Variants in GLT1D1 observed in about 807,000 individuals in gnomAD.
GLT1D1 encodes the protein glycosyltransferase 1 domain containing 1.
In GLT1D1, 21 loss-of-function variants were observed where a neutral mutation model predicts 28.7. The observed-to-expected ratio is 0.73, with a 90% confidence interval of 0.52 to 1.05. GLT1D1 has a LOEUF of 1.05. GLT1D1 is among the 50% of genes least tolerant of loss of function. The probability of loss-of-function intolerance (pLI) is 0.00; values close to 1 mark genes in which losing one functional copy is unlikely to be tolerated. For synonymous variants in GLT1D1, 147 were observed against 124.8 expected (o/e 1.18, Z -1.19); for missense variants, 343 against 330.6 (o/e 1.04, Z -0.29).
Position 128,875,935 on chromosome 12 carries a change from G to T in GLT1D1, c.90G>T (p.Gly30=), listed in dbSNP as rs745503932. The change falls in exon 2 of 8, where the codon GGG becomes GGT. Residue 30 remains glycine, a synonymous_variant. Transcript: ENST00000281703. ...AAAGGGCCCATCTAGAGGCTGCAGG[G>T]CACGTGTGCGTTTTGAAGGATGCCT... is the stretch of plus-strand genomic sequence containing the variant. 1 of 1,613,998 alleles carries T rather than the reference G, an allele frequency of 6.2e-7. No individual in the cohort carries two copies. Among genetic ancestry groups the T allele is most frequent in the East Asian group, 2.2e-5 (1 of 44,878 alleles).
chr12:128,957,498 C>G (rs1328421350), intron 6 of GLT1D1, 47 bp from the exon 11 acceptor site: 2 of 1,308,378 alleles, frequency 1.5e-6, no homozygotes, highest in African/African-American at 2.9e-5. Flanking sequence ...GCCGCAGAGG[C>G]TCTTGAAATG....
chr12:128,924,469 T>G (rs1872984595), intron 4 of GLT1D1, among the ~76,000 whole-genome samples: 2 of 151,970 alleles, frequency 1.3e-5, no homozygotes, highest in South Asian at 4.1e-4. Context: ...TTTTATTTAT[T>G]TATTTATTTT....
At chr12:128,933,686 A>G (rs1395975610) in intron 4 of GLT1D1, among the ~76,000 whole-genome samples, 1 of 152,142 alleles carries the variant, frequency 6.6e-6, no homozygotes, top group African/African-American at 2.4e-5. Context: ...TCTGGCTCAG[A>G]TGCCACCCTC....
At chr12:128,959,497 T>TGGGGGGGGGGGG in intron 7 of GLT1D1, among the ~76,000 whole-genome samples, 1 of 37,248 alleles carries the variant, frequency 2.7e-5, no homozygotes, top group Non-Finnish European at 5.4e-5. Context: ...TGGCAGGGGG[T>TGGGGGGGGGGGG]GGGGGTGGAG....
At chr12:128,860,369 G>A (rs1181818053) in intron 1 of GLT1D1, among the ~76,000 whole-genome samples, 1 of 152,220 alleles carries the variant, frequency 6.6e-6, no homozygotes, top group Non-Finnish European at 1.5e-5. Flanking sequence ...GCTGAGGCAG[G>A]AGAATCGCTT....
chr12:128,867,303 A>C (rs993930758), intron 1 of GLT1D1, among the ~76,000 whole-genome samples: 11 of 149,294 alleles, frequency 7.4e-5, no homozygotes, highest in African/African-American at 2.7e-4. Flanking sequence ...AGGCTGACAC[A>C]GGAGAAATGC....
At chr12:128,865,468 G>A (rs1007876001) in intron 1 of GLT1D1, among the ~76,000 whole-genome samples, 6 of 152,016 alleles carry the variant, frequency 3.9e-5, no homozygotes, top group Non-Finnish European at 5.9e-5. Flanking sequence ...CGTATCTGTG[G>A]GTTCCATGTC....
intron 2 of GLT1D1, among the ~76,000 whole-genome samples, chr12:128,882,253 A>C (rs1423813787): frequency 1.3e-5 from 2 of 151,466 alleles, no homozygotes; most frequent in African/African-American, 4.9e-5. Flanking sequence ...CACATTACGG[A>C]TATATTGCAG....
At chr12:128,969,505 GGTGTGCACCGAGCTGA>G (rs1878821365) in intron 7 of GLT1D1, among the ~76,000 whole-genome samples, 1 of 152,176 alleles carries the variant, frequency 6.6e-6, no homozygotes, top group African/African-American at 2.4e-5. Flanking sequence ...CCCCGAGCTG[GGTGTGCACCGAGCTGA>G]GTGTGCACTG....
At chr12:128,977,577 G>A (rs923333218) in intron 7 of GLT1D1, among the ~76,000 whole-genome samples, 4 of 152,132 alleles carry the variant, frequency 2.6e-5, no homozygotes, top group African/African-American at 7.2e-5. Context: ...GCATAGGCCT[G>A]TATTTACCAT....
At chr12:128,884,937 A>G (rs1182742406) in intron 2 of GLT1D1, among the ~76,000 whole-genome samples, 1 of 138,710 alleles carries the variant, frequency 7.2e-6, no homozygotes, top group Non-Finnish European at 1.6e-5. Context: ...TTTTTTTTTT[A>G]AGAAATGGGA....
rs188428083 is a variant in GLT1D1, at chr12:128,974,136, G to A, written c.640-8793G>A. Among the ~76,000 whole-genome samples the A allele has an allele frequency of 1.8e-4, 27 of 152,240 alleles. No homozygotes were observed. In the East Asian group the frequency reaches 5.2e-3, roughly 29 times the overall value. On this transcript the variant is annotated intron_variant, in intron 7 of 7. Coordinates refer to ENST00000281703, the MANE Select transcript of GLT1D1 (RefSeq NM_144669.3). ...GAGGGGGAGAGGGCGCATAGGAATA[G>A]TCCAAATTCCTAGTTCCTTTTCTGC...
At position 128,926,455 on chromosome 12, in the gene GLT1D1, G is replaced by A; in HGVS notation, c.376-18871G>A. The A allele has an allele frequency of 2.7e-6, 4 of 1,488,942 alleles. No homozygotes were observed. Among genetic ancestry groups the A allele is most frequent in the Non-Finnish European group, 3.6e-6 (4 of 1,104,886 alleles). 92.2% of individuals were successfully genotyped at this position (1,488,942 alleles called of 1,614,324 possible). A position where few individuals can be genotyped will look rare whatever the true frequency, so the allele number is the denominator to read the frequency against. ...CTCTATCTGGTGGACGCATTTTCAG[G>A]TGTGTTTGCTGGCTACCTTCCTCCA... On this transcript the variant is annotated intron_variant, in intron 4 of 7. Transcript: ENST00000281703.
At chr12:128,921,125 T>C (rs1872622023) in intron 4 of GLT1D1, among the ~76,000 whole-genome samples, 1 of 152,150 alleles carries the variant, frequency 6.6e-6, no homozygotes, top group East Asian at 1.9e-4. Context: ...TTATTTTTGG[T>C]GAATGATATT....
chr12:128,913,689 A>G (rs1411596547), intron 4 of GLT1D1, among the ~76,000 whole-genome samples: 1 of 152,236 alleles, frequency 6.6e-6, no homozygotes, highest in Non-Finnish European at 1.5e-5. Context: ...GGCGCACCTT[A>G]GTGAGGCACG....
chr12:128,926,995 G>A (rs992674819), intron 4 of GLT1D1, 110 bp from the exon 8 acceptor site: 1 of 645,404 alleles, frequency 1.5e-6, no homozygotes, highest in African/African-American at 1.8e-5. Flanking sequence ...AAAGCCAAAT[G>A]ATATGAAATA....
At chr12:128,869,563 G>A (rs1593056742) in intron 1 of GLT1D1, among the ~76,000 whole-genome samples, 3 of 151,982 alleles carry the variant, frequency 2.0e-5, no homozygotes, top group South Asian at 2.1e-4. Context: ...ATAAATATGT[G>A]TATACATATA....
intron 1 of GLT1D1, among the ~76,000 whole-genome samples, chr12:128,857,874 A>G (rs929443801): frequency 6.6e-6 from 1 of 152,214 alleles, no homozygotes; most frequent in African/African-American, 2.4e-5. Flanking sequence ...TCATGAATGT[A>G]TTGGCCTGGG....
chr12:128,929,883 C>T (rs1168127081), intron 4 of GLT1D1, among the ~76,000 whole-genome samples: 1 of 152,144 alleles, frequency 6.6e-6, no homozygotes, highest in Non-Finnish European at 1.5e-5. Context: ...GGCTGAGGCA[C>T]GAGAATCACT....
Sources: gnomAD v4.1 joint callset for allele counts (sites outside exome capture counted in the v4.1 genomes callset) on GRCh38, gnomAD v4.1.1 for gene constraint, MANE v1.5 for transcripts, NCBI Gene and HGNC (gene_info 2026-07-23, HGNC 2026-07-21) for gene names.